The following ABCB4 variants were observed in gnomAD, a reference collection of about 807,000 sequenced individuals.
ABCB4 encodes ATP binding cassette subfamily B member 4.
ABCB4 carries 76 observed loss-of-function variants against 145.7 expected under a neutral mutation model. The observed-to-expected ratio is 0.52, with a 90% confidence interval of 0.43 to 0.63. The LOEUF is 0.63. Ranked by LOEUF, ABCB4 falls within the 30% of genes least tolerant of loss-of-function variation. ABCB4 has a pLI of 0.00. For synonymous variants in ABCB4, 517 were observed against 566.8 expected, an observed-to-expected ratio of 0.91 and a Z score of 1.25; for missense variants, 1,234 against 1,553.1, an observed-to-expected ratio of 0.79 and a Z score of 3.45.
the ABCB4 span, among the ~76,000 whole-genome samples, chr7:87,374,935 A>C: frequency 1.3e-5 from 2 of 151,984 alleles, no homozygotes; most frequent in African/African-American, 4.8e-5. Flanking sequence ...AATTGAGCTA[A>C]ATTAAAGCTC....
chr7:87,447,230 CATT>C, intron 8 of ABCB4, 25 bp from the exon 9 acceptor site: 1 of 1,604,240 alleles, frequency 6.2e-7, no homozygotes, highest in Non-Finnish European at 8.5e-7. Context: ...AGAGGGAAAA[CATT>C]ATAATTAAGA....
chr7:87,420,948 T>A (rs1046035246), intron 18 of ABCB4, among the ~76,000 whole-genome samples: 1 of 152,182 alleles, frequency 6.6e-6, no homozygotes, highest in Non-Finnish European at 1.5e-5. Flanking sequence ...ACACACGAAT[T>A]CATTTTGGCT....
At chr7:87,454,506 TA>T in intron 5 of ABCB4, 28 bp downstream of exon 5, 6 of 1,537,788 alleles carry the variant, frequency 3.9e-6, no homozygotes, top group Non-Finnish European at 5.4e-6. Flanking sequence ...AATGAAACTT[TA>T]AAAAAGTAGA....
the ABCB4 span, chr7:87,369,445 T>C: frequency 3.1e-6 from 5 of 1,613,214 alleles, no homozygotes; most frequent in African/African-American, 1.3e-5. Context: ...TTTGATGTAA[T>C]ACATGAAGGA....
chr7:87,381,156 T>C, the ABCB4 span, among the ~76,000 whole-genome samples: 1 of 152,230 alleles, frequency 6.6e-6, no homozygotes, highest in Non-Finnish European at 1.5e-5. Flanking sequence ...AAGCTCGCAG[T>C]GTCACGTTCA....
the ABCB4 span, chr7:87,392,790 C>T: frequency 3.3e-5 from 54 of 1,613,554 alleles, no homozygotes; most frequent in East Asian, 4.5e-5. Flanking sequence ...CTTCCTGTTC[C>T]AGAACTCTTT....
the ABCB4 span, chr7:87,375,679 C>G: frequency 1.2e-6 from 2 of 1,613,526 alleles, no homozygotes; most frequent in Non-Finnish European, 1.7e-6. Flanking sequence ...CCTGATGGAC[C>G]TGGGATTGCA....
the ABCB4 span, among the ~76,000 whole-genome samples, chr7:87,370,785 A>C: frequency 2.6e-5 from 4 of 152,236 alleles, no homozygotes; most frequent in Non-Finnish European, 5.9e-5. Flanking sequence ...GCTGCTGTGA[A>C]AATCCTTGTG....
chr7:87,468,618 C>A (rs1320520342), intron 3 of ABCB4, among the ~76,000 whole-genome samples: 1 of 152,158 alleles, frequency 6.6e-6, no homozygotes, highest in African/African-American at 2.4e-5. Flanking sequence ...TGACGAACAT[C>A]AATGCAAAAA....
At position 87,443,657 on chromosome 7, in the gene ABCB4, C is replaced by T; in HGVS notation, c.1230+6G>A. 6.2e-7 allele frequency: 1 copy of T among 1,608,142 alleles called. No individual in the cohort carries two copies. Among genetic ancestry groups the T allele is most frequent in the Non-Finnish European group, 8.5e-7 (1 of 1,174,688 alleles). On this transcript the variant is annotated splice_donor_region_variant and intron_variant, in intron 11 of 27. Coordinates refer to ENST00000649586, the MANE Select transcript of ABCB4 (RefSeq NM_000443.4). ...TAGGAATTCCTATAAATATTACTTA[C>T]AGTACCTTGACGTTAGCTCGAGAAG...
chr7:87,374,688 AGGG>A, the ABCB4 span, among the ~76,000 whole-genome samples: 1 of 152,002 alleles, frequency 6.6e-6, no homozygotes, highest in Non-Finnish European at 1.5e-5. Context: ...GCAAATAACA[AGGG>A]GGGAATTTTT....
chr7:87,398,325 C>G, downstream of ABCB4: 1 of 699,580 alleles, frequency 1.4e-6, no homozygotes, highest in South Asian at 1.5e-5. Flanking sequence ...AGGTGCTAGT[C>G]ATCTAATGAA....
the ABCB4 span, chr7:87,392,953 G>A: frequency 2.5e-6 from 4 of 1,613,630 alleles, no homozygotes; most frequent in South Asian, 2.2e-5. Context: ...CACAGCGGAG[G>A]AGGTGGAAAT....
At chr7:87,386,140 T>G in the ABCB4 span, among the ~76,000 whole-genome samples, 6 of 152,210 alleles carry the variant, frequency 3.9e-5, no homozygotes, top group Non-Finnish European at 8.8e-5. Context: ...TTTAGTTGTG[T>G]CCTTTTCTGG....
chr7:87,408,107 C>T lies in ABCB4; in HGVS notation c.3209G>A (p.Ser1070Asn). 1.2e-6 allele frequency: 2 copies of T among 1,614,260 alleles called. No homozygotes were observed. Among genetic ancestry groups the T allele is most frequent in the Non-Finnish European group, 1.7e-6 (2 of 1,180,048 alleles). The change falls in exon 25 of 28, where the codon AGC becomes AAC. Residue 1070 changes from serine to asparagine, a missense_variant. This residue lies in a region of ABCB4 where 301 missense variants were observed against 389.0 expected (regional missense o/e 0.77). Transcript: ENST00000649586. ...CACCGTGCTCTTCCCACAGCCACTG[C>T]TGCCCACCAGGGCTAGTGTCTGGCC... ...KKGQTLALVG[S>N]SGCGKSTVVQ...
chr7:87,441,982 TG>T (rs1811019748), intron 12 of ABCB4, among the ~76,000 whole-genome samples: 1 of 152,232 alleles, frequency 6.6e-6, no homozygotes, highest in African/African-American at 2.4e-5. Flanking sequence ...ATTATGCCAC[TG>T]GGCATTTTTT....
intron 25 of ABCB4, among the ~76,000 whole-genome samples, chr7:87,406,853 T>C (rs1420003196): frequency 1.3e-5 from 2 of 152,144 alleles, no homozygotes; most frequent in Non-Finnish European, 1.5e-5. Flanking sequence ...TCCTAACCCT[T>C]CACCTTGACT....
At chr7:87,462,702 T>A (rs1024006681) in intron 4 of ABCB4, 56 bp downstream of exon 4, 11 of 1,570,608 alleles carry the variant, frequency 7.0e-6, no homozygotes, top group Non-Finnish European at 8.8e-6. Context: ...ACTCCCAAAT[T>A]TTTACCCAGT....
chr7:87,405,988 A>G, intron 26 of ABCB4: 1 of 444,724 alleles, frequency 2.2e-6, no homozygotes, highest in Non-Finnish European at 4.1e-6. Context: ...TAAAAACTAT[A>G]ATTGTTTTAA....
Sources: gnomAD v4.1 joint callset for allele counts (sites outside exome capture counted in the v4.1 genomes callset) on GRCh38, gnomAD v4.1.1 for gene constraint, gnomAD v4.1.1 regional missense constraint, MANE v1.5 for transcripts, NCBI Gene and HGNC (gene_info 2026-07-23, HGNC 2026-07-21) for gene names.